The following CNTNAP2 variants were observed in gnomAD, a reference collection of about 807,000 sequenced individuals.
The protein encoded by CNTNAP2 is contactin associated protein 2, also known as contactin-associated protein-like 2.
In CNTNAP2, 98 loss-of-function variants were observed where a neutral mutation model predicts 155.2. That is an observed-to-expected ratio of 0.63 (90% CI 0.54 to 0.75). CNTNAP2 has a LOEUF of 0.75. Ranked by LOEUF, CNTNAP2 falls within the 30% of genes least tolerant of loss-of-function variation. The pLI, the probability that CNTNAP2 is intolerant of heterozygous loss-of-function variation, is 0.00. For missense variants in CNTNAP2, 1,727 were observed against 1,688.1 expected (o/e 1.02, Z -0.40); for synonymous variants, 651 against 631.2 (o/e 1.03, Z -0.47).
intron 1 of CNTNAP2, among the ~76,000 whole-genome samples, chr7:146,561,898 C>T (rs931712076): frequency 7.9e-5 from 12 of 151,962 alleles, no homozygotes; most frequent in Non-Finnish European, 1.6e-4. Context: ...TCAAGTGATC[C>T]TCTCACTTCA....
chr7:147,281,665 A>C (rs564932727), intron 8 of CNTNAP2, among the ~76,000 whole-genome samples: 5 of 151,860 alleles, frequency 3.3e-5, no homozygotes, highest in Admixed American at 2.0e-4. Flanking sequence ...TATATTTAAG[A>C]GAAATATATT....
chr7:146,529,268 A>G (rs1797734215), intron 1 of CNTNAP2, among the ~76,000 whole-genome samples: 1 of 152,216 alleles, frequency 6.6e-6, no homozygotes, highest in South Asian at 2.1e-4. Flanking sequence ...GAAAAAATAT[A>G]TGAAAGTAAA....
At chr7:148,408,655 AC>A (rs1218574410) in intron 22 of CNTNAP2, among the ~76,000 whole-genome samples, 2 of 152,244 alleles carry the variant, frequency 1.3e-5, no homozygotes, top group African/African-American at 2.4e-5. Flanking sequence ...CCAACAGAAG[AC>A]CAACAAATGT....
At chr7:147,783,797 A>T (rs1797692343) in intron 13 of CNTNAP2, among the ~76,000 whole-genome samples, 1 of 152,186 alleles carries the variant, frequency 6.6e-6, no homozygotes, top group Admixed American at 6.5e-5. Context: ...AAGACACAGC[A>T]AGAAGGCTGC....
chr7:147,660,195 C>A (rs911154004), intron 13 of CNTNAP2, among the ~76,000 whole-genome samples: 1 of 152,232 alleles, frequency 6.6e-6, no homozygotes, highest in African/African-American at 2.4e-5. Flanking sequence ...ATAAAGCTAA[C>A]TCTTAACAAG....
chr7:148,110,143 G>A (rs559333378), intron 15 of CNTNAP2, among the ~76,000 whole-genome samples: 1 of 152,080 alleles, frequency 6.6e-6, no homozygotes, highest in African/African-American at 2.4e-5. Flanking sequence ...TTGTATAAGG[G>A]CACTGCTTCT....
intron 14 of CNTNAP2, among the ~76,000 whole-genome samples, chr7:147,926,128 T>C (rs1800393769): frequency 6.6e-6 from 1 of 152,222 alleles, no homozygotes; most frequent in Non-Finnish European, 1.5e-5. Flanking sequence ...TGATTATACC[T>C]TCTTCAAATG....
intron 1 of CNTNAP2, among the ~76,000 whole-genome samples, chr7:146,718,931 G>A (rs572657367): frequency 1.4e-4 from 22 of 152,188 alleles, no homozygotes; most frequent in Non-Finnish European, 2.6e-4. Context: ...TGAAATGGGC[G>A]TGTGCTTCTT....
rs73467103 is a variant in CNTNAP2, at chr7:147,287,908, A to G, written c.1349-12233A>G. 7.0e-3 allele frequency among the ~76,000 whole-genome samples: 1,062 copies of G among 152,180 alleles called. 13 individuals carry two copies. Among genetic ancestry groups the G allele is most frequent in the African/African-American group, 0.024 (1,016 of 41,544 alleles). ...AGTGCTAACCTCCGTCCAAACTTCC[A>G]TCGTCTCTTGCCCTAATGACGGTAA... On this transcript the variant is annotated intron_variant, in intron 8 of 23. Transcript: ENST00000361727.
At chr7:148,182,295 G>T (rs1272155966) in intron 18 of CNTNAP2, among the ~76,000 whole-genome samples, 1 of 144,770 alleles carries the variant, frequency 6.9e-6, no homozygotes, top group Non-Finnish European at 1.5e-5. Context: ...GAGCCAAAAA[G>T]GAACTGGTCT....
intron 1 of CNTNAP2, among the ~76,000 whole-genome samples, chr7:146,293,840 T>C (rs1239800138): frequency 6.6e-6 from 1 of 152,134 alleles, no homozygotes; most frequent in East Asian, 1.9e-4. Flanking sequence ...AGGTAAAAAA[T>C]ATCAACATGG....
intron 13 of CNTNAP2, among the ~76,000 whole-genome samples, chr7:147,649,870 TA>T (rs35530912): frequency 0.1 from 15,629 of 151,132 alleles, 1,046 homozygotes; most frequent in Non-Finnish European, 0.15. Context: ...ATTGGATAGA[TA>T]AAAAAAAATG....
chr7:147,232,166 G>T (rs1249959229), intron 8 of CNTNAP2, among the ~76,000 whole-genome samples: 1 of 152,184 alleles, frequency 6.6e-6, no homozygotes, highest in Non-Finnish European at 1.5e-5. Context: ...ATTTATGAAA[G>T]AAATTGAAGA....
At chr7:146,740,368 T>C (rs1801691899) in intron 1 of CNTNAP2, among the ~76,000 whole-genome samples, 1 of 152,026 alleles carries the variant, frequency 6.6e-6, no homozygotes, top group Non-Finnish European at 1.5e-5. Flanking sequence ...TTTTGTTCAC[T>C]TCTCTGTATT....
chr7:146,422,863 A>G (rs1005666744), intron 1 of CNTNAP2, among the ~76,000 whole-genome samples: 1 of 152,142 alleles, frequency 6.6e-6, no homozygotes, highest in South Asian at 2.1e-4. Context: ...TTAGCAAAAA[A>G]TTAATTAAAA....
At chr7:148,005,973 G>T (rs949096637) in intron 15 of CNTNAP2, among the ~76,000 whole-genome samples, 1 of 152,104 alleles carries the variant, frequency 6.6e-6, no homozygotes, top group African/African-American at 2.4e-5. Context: ...AGTCTCACGA[G>T]GGTCTATGAC....
intron 3 of CNTNAP2, among the ~76,000 whole-genome samples, chr7:146,951,585 G>A (rs1797314220): frequency 6.6e-6 from 1 of 152,074 alleles, no homozygotes; most frequent in Non-Finnish European, 1.5e-5. Flanking sequence ...TATCAGGTTT[G>A]TCAAAGATCC....
chr7:146,366,279 AG>A (rs1795154253), intron 1 of CNTNAP2, among the ~76,000 whole-genome samples: 1 of 152,140 alleles, frequency 6.6e-6, no homozygotes, highest in Non-Finnish European at 1.5e-5. Flanking sequence ...CCGTTAGTCT[AG>A]AATTTTTTAA....
chr7:146,466,352 G>A (rs1195438825), intron 1 of CNTNAP2, among the ~76,000 whole-genome samples: 2 of 152,138 alleles, frequency 1.3e-5, no homozygotes, highest in Admixed American at 1.3e-4. Flanking sequence ...GGAATTCTGT[G>A]CTGTTTCGTA....
Sources: allele counts gnomAD v4.1 joint callset (sites outside exome capture counted in the v4.1 genomes callset), GRCh38; gene constraint gnomAD v4.1.1; transcripts MANE v1.5; gene names NCBI Gene and HGNC (gene_info 2026-07-23, HGNC 2026-07-21).